TMEM183A: variants seen among roughly 807,000 people sequenced by gnomAD.
The protein encoded by TMEM183A is transmembrane protein 183A.
A neutral mutation model predicts 46.7 loss-of-function variants in TMEM183A; 21 were observed. The observed-to-expected ratio is 0.45, with a 90% CI of 0.32 to 0.65. The LOEUF (loss-of-function observed/expected upper bound fraction) is 0.65. TMEM183A is among the 30% of genes least tolerant of loss of function. TMEM183A has a pLI of 0.04. For synonymous variants in TMEM183A, 165 were observed against 180.2 expected (o/e 0.92, Z 0.68); for missense variants, 331 against 481.9 (o/e 0.69, Z 2.93).
intron 1 of TMEM183A, 25 bp from the exon 2 acceptor site, chr1:203,007,749 C>A: frequency 6.2e-7 from 1 of 1,613,046 alleles, no homozygotes. Context: ...AGGCCTCTTC[C>A]TTGAGGGTTG....
At chr1:203,016,522 T>C (rs559023547) in intron 5 of TMEM183A, among the ~76,000 whole-genome samples, 1 of 152,312 alleles carries the variant, frequency 6.6e-6, no homozygotes, top group African/African-American at 2.4e-5. Context: ...AGGTATAACA[T>C]GAACATCTCA....
chr1:203,007,728 C>G (rs745387630), intron 1 of TMEM183A, 46 bp from the exon 2 acceptor site: 1 of 1,607,948 alleles, frequency 6.2e-7, no homozygotes. Context: ...GGGGAAGACG[C>G]TGACGAGAGA....
At position 203,020,861 on chromosome 1, in the gene TMEM183A, C is replaced by T. The variant is rs1302461566; in HGVS notation, c.858C>T (p.Thr286=). 6.2e-7 allele frequency: 1 copy of T among 1,613,890 alleles called. No homozygotes were observed. The highest frequency in any genetic ancestry group is 8.5e-7 in the Non-Finnish European group (1 of 1,179,988). Residue 286 remains threonine (T), a synonymous_variant, in exon 7 of 8, where the codon ACC becomes ACT. Coordinates refer to ENST00000367242, the MANE Select transcript of TMEM183A (RefSeq NM_138391.6). ...QPPVQYEDVH[T]NPDQDCCLLQ... is the part of the protein sequence containing the mutation. ...CCGTTCAGTACGAAGATGTTCATAC[C>T]AATCCAGACCAGGACTGCTGCCTAC...
intron 7 of TMEM183A, 81 bp from the exon 8 acceptor site, chr1:203,022,774 T>G: frequency 6.3e-7 from 1 of 1,583,554 alleles, no homozygotes; most frequent in Non-Finnish European, 8.7e-7. Flanking sequence ...TATAAATTAG[T>G]CTGGACTATT....
chr1:203,007,638 C>G, intron 1 of TMEM183A, 64 bp downstream of exon 1: 1 of 1,527,118 alleles, frequency 6.5e-7, no homozygotes, highest in South Asian at 1.2e-5. Context: ...GGGGCTGGAC[C>G]GTGCCGAGGT....
intron 5 of TMEM183A, chr1:203,017,709 C>T (rs950754880): frequency 2.0e-6 from 2 of 985,218 alleles, no homozygotes; most frequent in African/African-American, 3.5e-5. Context: ...TCCCATGTTT[C>T]TGGACTCTAG....
In TMEM183A at chr1:203,018,576, C is replaced by T; in HGVS notation, c.789+15C>T. 1 of 1,611,432 alleles carries T rather than the reference C, an allele frequency of 6.2e-7. No homozygotes were observed. The highest frequency in any genetic ancestry group is 8.5e-7 in the Non-Finnish European group (1 of 1,178,902). ...TCAAAAAACAGGTACGTGGTCTTCT[C>T]TTTGTTTTTCAGATAATACCTTGTT... On this transcript the variant is annotated intron_variant, in intron 6 of 7. Coordinates refer to ENST00000367242, the MANE Select transcript of TMEM183A (RefSeq NM_138391.6).
chr1:203,021,872 G>C (rs953017727), intron 7 of TMEM183A, among the ~76,000 whole-genome samples: 1 of 152,168 alleles, frequency 6.6e-6, no homozygotes, highest in Non-Finnish European at 1.5e-5. Context: ...CACAATGAAA[G>C]TAGCTTTTTT....
At chr1:203,012,215 AAC>A (rs1656703711) in intron 3 of TMEM183A, among the ~76,000 whole-genome samples, 1 of 77,564 alleles carries the variant, frequency 1.3e-5, no homozygotes, top group Non-Finnish European at 2.6e-5. Flanking sequence ...TTTTTACTTC[AAC>A]CATTACTCCC....
At position 203,022,740 on chromosome 1, in the gene TMEM183A, AG is replaced by A. The variant is rs894086344; in HGVS notation, c.946-114del. The A allele has an allele frequency of 1.4e-5, 17 of 1,208,346 alleles. No individual in the cohort carries two copies. The Admixed American group carries it at 1.6e-4, about 11-fold the overall frequency. 74.9% of individuals were successfully genotyped at this position (1,208,346 alleles called of 1,614,324 possible). Reference sequence around the variant, plus strand: ...AAAAGGTGTTTGTTTTATAATTTAGAGATTAATCTTGTGGCCTAGCCAGTAT... The same window carrying A: ...AAAAGGTGTTTGTTTTATAATTTAGAATTAATCTTGTGGCCTAGCCAGTAT... On this transcript the variant is annotated intron_variant, in intron 7 of 7. Transcript: ENST00000367242.
Position 203,024,796 on chromosome 1 carries a change from G to A in TMEM183A, c.*1756G>A, listed in dbSNP as rs1441097887. On this transcript the variant is annotated 3_prime_UTR_variant, in exon 8 of 8. Transcript: ENST00000367242. ...GGAGTGTCTTGGTGCATTGTTCCCC[G>A]CTTAGGAGTACCTTTAAAAAGGGGG... The A allele has an allele frequency of 6.6e-6, 1 of 152,258 alleles. No individual in the cohort carries two copies. Among genetic ancestry groups the A allele is most frequent in the East Asian group, 1.9e-4 (1 of 5,190 alleles). The allele number at this position is 152,258 out of a possible 1,614,324, so 9.4% of individuals were successfully genotyped here.
Position 203,013,897 on chromosome 1 carries a change from G to A in TMEM183A, c.368-992G>A, listed in dbSNP as rs1656912142. ...CAGCCTCCCACGTAGCTGGATTACA[G>A]GCACGTGCCACCACGCCCAGCTAAT... On this transcript the variant is annotated intron_variant, in intron 3 of 7. Coordinates refer to ENST00000367242, the MANE Select transcript of TMEM183A (RefSeq NM_138391.6). This position sits in a 1 kb window ranked among gnomAD's most constrained non-coding sequence, Gnocchi z 4.0. 6.6e-6 allele frequency among the ~76,000 whole-genome samples: 1 copy of A among 151,962 alleles called. No homozygotes were observed. Among genetic ancestry groups the A allele is most frequent in the Non-Finnish European group, 1.5e-5 (1 of 68,022 alleles).
chr1:203,024,604 T>C lies in TMEM183A; in HGVS notation c.*1564T>C, dbSNP rs1233479684. The stretch of plus-strand genomic sequence containing the variant: ...TGGTATTAAAACTGTTCACACAGAG[T>C]GAGCCTGGGTCAGTCAAAAACAGAA... On this transcript the variant is annotated 3_prime_UTR_variant, in exon 8 of 8. Coordinates refer to ENST00000367242, the MANE Select transcript of TMEM183A (RefSeq NM_138391.6). The C allele has an allele frequency of 6.6e-6, 1 of 151,910 alleles. No individual in the cohort carries two copies. The highest frequency in any genetic ancestry group is 1.5e-5 in the Non-Finnish European group (1 of 68,006). The allele number at this position is 151,910 out of a possible 1,614,324, so 9.4% of individuals were successfully genotyped here.
At chr1:203,021,547 T>G (rs189237011) in intron 7 of TMEM183A, among the ~76,000 whole-genome samples, 1 of 152,342 alleles carries the variant, frequency 6.6e-6, no homozygotes, top group Admixed American at 6.5e-5. Context: ...TAGTGATGAT[T>G]AATGATTGAG....
intron 1 of TMEM183A, 96 bp from the exon 2 acceptor site, chr1:203,007,678 G>A: frequency 1.3e-6 from 2 of 1,554,506 alleles, no homozygotes. Flanking sequence ...GCTGGAGGGC[G>A]GCTCGGTCCG....
chr1:203,019,863 T>G (rs1657500682), intron 6 of TMEM183A, among the ~76,000 whole-genome samples: 2 of 152,126 alleles, frequency 1.3e-5, no homozygotes, highest in Non-Finnish European at 2.9e-5. Flanking sequence ...CCTGTATTAT[T>G]AGGTGTAATT....
chr1:203,019,243 G>A lies in TMEM183A; in HGVS notation c.789+682G>A, dbSNP rs148679688. On this transcript the variant is annotated intron_variant, in intron 6 of 7. Coordinates refer to ENST00000367242, the MANE Select transcript of TMEM183A (RefSeq NM_138391.6). The stretch of plus-strand genomic sequence containing the variant: ...ATGGGAAACACTTCTGGCCCCAAGC[G>A]TTTTGGATAAGGGATACTCAATCCG... Among the ~76,000 whole-genome samples, 649 of 152,258 alleles carry A rather than the reference G, an allele frequency of 4.3e-3. 7 individuals carry two copies. Among genetic ancestry groups the A allele is most frequent in the African/African-American group, 0.015 (608 of 41,520 alleles).
chr1:203,016,321 GCTTAT>G lies in TMEM183A; in HGVS notation c.708+186_708+190del. The G allele has an allele frequency of 3.7e-6, 3 of 813,842 alleles. No homozygotes were observed. In the East Asian group the frequency reaches 8.1e-5, roughly 22 times the overall value. 50.4% of individuals were successfully genotyped at this position (813,842 alleles called of 1,614,324 possible). On this transcript the variant is annotated intron_variant, in intron 5 of 7. Coordinates refer to ENST00000367242, the MANE Select transcript of TMEM183A (RefSeq NM_138391.6). ...CAAGACCTTTCTGCTGTGCTGGCTG[GCTTAT>G]CTTACCTTAAAGCTTTCTGGTGCTT...
chr1:203,014,769 C>T (rs77314658), intron 3 of TMEM183A, 120 bp from the exon 4 acceptor site: 52,919 of 1,405,508 alleles, frequency 0.038, 1,154 homozygotes, highest in Non-Finnish European at 0.045. Flanking sequence ...TGAGGGGTTT[C>T]CTTGGACCTA....
Sources: gnomAD v4.1 joint callset for allele counts (sites outside exome capture counted in the v4.1 genomes callset) on GRCh38, gnomAD v4.1.1 for gene constraint, Gnocchi (gnomAD v3.1) non-coding constraint, MANE v1.5 for transcripts, NCBI Gene and HGNC (gene_info 2026-07-23, HGNC 2026-07-21) for gene names.